IRAK4: variants seen among roughly 807,000 people sequenced by gnomAD.
IRAK4 encodes the protein interleukin 1 receptor associated kinase 4.
IRAK4 carries 44 observed loss-of-function variants against 51.8 expected under a neutral mutation model. That is an observed-to-expected ratio of 0.85 (90% confidence interval 0.67 to 1.09). The LOEUF (loss-of-function observed/expected upper bound fraction) is 1.09, where lower values mean the gene tolerates loss of function less well. Among genes scored for constraint, IRAK4 ranks in the 50% least tolerant of loss-of-function variants. The pLI, the probability that IRAK4 is intolerant of heterozygous loss-of-function variation, is 0.00. For synonymous variants in IRAK4, 149 were observed against 174.1 expected (o/e 0.86, Z 1.13); for missense variants, 487 against 538.0 (o/e 0.91, Z 0.94).
chr12:43,789,187 T>C lies in IRAK4; in HGVS notation c.*2472T>C, dbSNP rs1942402041. 1 of 151,926 alleles carries C rather than the reference T, an allele frequency of 6.6e-6. No homozygotes were observed. The highest frequency in any genetic ancestry group is 2.4e-5 in the African/African-American group (1 of 41,318). 9.4% of individuals were successfully genotyped at this position (151,926 alleles called of 1,614,324 possible). A position where few individuals can be genotyped will look rare whatever the true frequency, so the allele number is the denominator to read the frequency against. On this transcript the variant is annotated 3_prime_UTR_variant, in exon 12 of 12. Transcript: ENST00000613694. ...TAATCCCCAGTGTTGGGGGTGGAGG[T>C]GGGGCCTGATGGGAAGTGTTTGGGT...
chr12:43,778,132 T>C (rs1469998764), intron 7 of IRAK4, 61 bp from the exon 8 acceptor site: 1 of 968,712 alleles, frequency 1.0e-6, no homozygotes, highest in Non-Finnish European at 1.7e-6. Context: ...CTGTGTTATA[T>C]ATTCTCTGTA....
At chr12:43,785,776 G>T (rs4251540) in intron 10 of IRAK4, among the ~76,000 whole-genome samples, 22,303 of 151,466 alleles carry the variant, frequency 0.15, 2,165 homozygotes, top group African/African-American at 0.27. Flanking sequence ...TATGACCTAC[G>T]ACATACCTGG....
At position 43,782,316 on chromosome 12, in the gene IRAK4, C is replaced by CTT; in HGVS notation, c.952_953dup (p.Leu318PhefsTer28). ...TTTACATTTTTTTCAGTGCAAATAT[C>CTT]TTACTGGATGAAGCTTTTACTGCTA... On this transcript the variant is annotated frameshift_variant, in exon 9 of 12. Coordinates refer to ENST00000613694, the MANE Select transcript of IRAK4 (RefSeq NM_016123.4). LOFTEE classifies it high-confidence loss of function. The CTT allele has an allele frequency of 1.2e-6, 2 of 1,612,324 alleles. No individual in the cohort carries two copies. Among genetic ancestry groups the CTT allele is most frequent in the Non-Finnish European group, 1.7e-6 (2 of 1,178,530 alleles).
intron 6 of IRAK4, among the ~76,000 whole-genome samples, chr12:43,776,118 G>C (rs1454018000): frequency 6.6e-6 from 1 of 151,826 alleles, no homozygotes; most frequent in African/African-American, 2.4e-5. Flanking sequence ...ATCTGACGTC[G>C]TGATCTGCCT....
chr12:43,761,961 A>G (rs761762424), intron 1 of IRAK4, among the ~76,000 whole-genome samples: 1 of 152,240 alleles, frequency 6.6e-6, no homozygotes, highest in Admixed American at 6.5e-5. Flanking sequence ...TGTAAGCAAC[A>G]TATCCTGTTC....
At chr12:43,761,970 T>C (rs1195008298) in intron 1 of IRAK4, among the ~76,000 whole-genome samples, 1 of 152,238 alleles carries the variant, frequency 6.6e-6, no homozygotes, top group Non-Finnish European at 1.5e-5. Flanking sequence ...CATATCCTGT[T>C]CCACCTGTGT....
At chr12:43,763,623 G>A (rs956794910) in intron 1 of IRAK4, among the ~76,000 whole-genome samples, 1 of 152,018 alleles carries the variant, frequency 6.6e-6, no homozygotes, top group South Asian at 2.1e-4. Context: ...GTTTTTAAGA[G>A]GGTAAAAGGT....
intron 1 of IRAK4, chr12:43,759,234 CT>C (rs1310021608): frequency 6.6e-6 from 1 of 152,292 alleles, no homozygotes; most frequent in Non-Finnish European, 1.5e-5. Flanking sequence ...TTCGTCGGCC[CT>C]GAGGAAGAGC....
Position 43,774,048 on chromosome 12 carries a change from G to A in IRAK4, c.716+19G>A. 2 of 1,579,322 alleles carry A rather than the reference G, an allele frequency of 1.3e-6. No individual in the cohort carries two copies. Among genetic ancestry groups the A allele is most frequent in the Non-Finnish European group, 1.7e-6 (2 of 1,152,322 alleles). The stretch of plus-strand genomic sequence containing the variant: ...TGGCAAAGTAAGTCTTAATCTGGCA[G>A]TGCGGTGTAGTGGAAAGAAAAAAGA... On this transcript the variant is annotated intron_variant, in intron 6 of 11. Coordinates refer to ENST00000613694, the MANE Select transcript of IRAK4 (RefSeq NM_016123.4).
intron 6 of IRAK4, among the ~76,000 whole-genome samples, chr12:43,775,941 G>A (rs1012772090): frequency 7.0e-6 from 1 of 142,776 alleles, no homozygotes; most frequent in Admixed American, 7.2e-5. Context: ...GAATGCAGTG[G>A]TGCGATCTTG....
chr12:43,772,362 CGTAA>C lies in IRAK4; in HGVS notation c.490+5_490+8del. On this transcript the variant is annotated splice_donor_variant and splice_donor_region_variant and intron_variant, in intron 4 of 11. Coordinates refer to ENST00000613694, the MANE Select transcript of IRAK4 (RefSeq NM_016123.4). LOFTEE classifies it high-confidence loss of function. ...TAAAAGTTTAGAAGTTAGTGATACACGTAAGTAACATTTTCAGTGCTTTCCACTA... is the reference window on the plus strand; with the variant it reads ...TAAAAGTTTAGAAGTTAGTGATACACGTAACATTTTCAGTGCTTTCCACTA... The C allele has an allele frequency of 6.2e-7, 1 of 1,609,986 alleles. No homozygotes were observed. Among genetic ancestry groups the C allele is most frequent in the Non-Finnish European group, 8.5e-7 (1 of 1,178,676 alleles).
At chr12:43,783,508 A>C (rs1467905124) in intron 9 of IRAK4, among the ~76,000 whole-genome samples, 154 bp from the exon 10 acceptor site, 1 of 152,072 alleles carries the variant, frequency 6.6e-6, no homozygotes, top group Non-Finnish European at 1.5e-5. Context: ...TTTTTTGTAG[A>C]GACAGGGTCT....
chr12:43,782,225 T>TA, intron 8 of IRAK4, 82 bp from the exon 9 acceptor site: 1 of 830,274 alleles, frequency 1.2e-6, no homozygotes, highest in Admixed American at 1.9e-5. Context: ...CATGCATACA[T>TA]ACGTACATCT....
At chr12:43,766,858 G>A (rs748184572) in intron 1 of IRAK4, among the ~76,000 whole-genome samples, 2 of 152,184 alleles carry the variant, frequency 1.3e-5, no homozygotes, top group Non-Finnish European at 2.9e-5. Flanking sequence ...TGAACTCATG[G>A]ATCTTAAAAT....
intron 4 of IRAK4, 70 bp from the exon 5 acceptor site, chr12:43,772,842 A>T: frequency 2.6e-6 from 3 of 1,136,620 alleles, no homozygotes; most frequent in Non-Finnish European, 3.8e-6. Flanking sequence ...GAAATCTTCA[A>T]ATGAGAAAAT....
intron 6 of IRAK4, among the ~76,000 whole-genome samples, chr12:43,776,445 A>C (rs1409338357): frequency 6.6e-6 from 1 of 152,242 alleles, no homozygotes; most frequent in Non-Finnish European, 1.5e-5. Flanking sequence ...GCACTTCTTC[A>C]AATATTTATG....
chr12:43,778,078 T>G (rs893081102), intron 7 of IRAK4, 115 bp from the exon 8 acceptor site: 38 of 686,358 alleles, frequency 5.5e-5, no homozygotes, highest in Non-Finnish European at 8.8e-5. Context: ...TCCTAAATTA[T>G]TAATGCTATA....
intron 10 of IRAK4, among the ~76,000 whole-genome samples, chr12:43,784,421 C>A (rs1942041661): frequency 6.6e-6 from 1 of 152,164 alleles, no homozygotes; most frequent in African/African-American, 2.4e-5. Flanking sequence ...AGAGCTCAGT[C>A]CCCAAGACTG....
intron 6 of IRAK4, among the ~76,000 whole-genome samples, chr12:43,774,681 C>T (rs1265039813): frequency 6.6e-6 from 1 of 152,114 alleles, no homozygotes; most frequent in African/African-American, 2.4e-5. Context: ...GAGTAATAGG[C>T]CCTTATATAT....
Sources: allele counts gnomAD v4.1 joint callset (sites outside exome capture counted in the v4.1 genomes callset), GRCh38; gene constraint gnomAD v4.1.1; transcripts MANE v1.5; gene names NCBI Gene and HGNC (gene_info 2026-07-23, HGNC 2026-07-21).